The following PCDHA3 variants were observed in gnomAD, a reference collection of about 807,000 sequenced individuals.
PCDHA3 encodes the protein protocadherin alpha 3.
In PCDHA3, 41 loss-of-function variants were observed where a neutral mutation model predicts 62.2. The observed-to-expected ratio is 0.66, with a 90% CI of 0.51 to 0.86. PCDHA3 has a LOEUF of 0.86. PCDHA3 is among the 40% of genes least tolerant of loss of function. The pLI, the probability that PCDHA3 is intolerant of heterozygous loss-of-function variation, is 0.00. For synonymous variants in PCDHA3, 640 were observed against 555.4 expected (o/e 1.15, Z -2.14); for missense variants, 1,304 against 1,241.2 (o/e 1.05, Z -0.76).
chr5:140,902,563 G>C (rs1472097639), intron 1 of PCDHA3, among the ~76,000 whole-genome samples: 2 of 151,808 alleles, frequency 1.3e-5, no homozygotes, highest in African/African-American at 4.8e-5. Context: ...GATTTTTGAG[G>C]GTTTTTAAGA....
At chr5:140,999,240 G>A (rs193018375) in intron 3 of PCDHA3, among the ~76,000 whole-genome samples, 1 of 152,340 alleles carries the variant, frequency 6.6e-6, no homozygotes, top group Non-Finnish European at 1.5e-5. Context: ...GGTGGTTAAA[G>A]TGGGAGTTGG....
chr5:140,824,251 T>C (rs1283457501), intron 1 of PCDHA3: 2 of 1,394,460 alleles, frequency 1.4e-6, no homozygotes, highest in Non-Finnish European at 2.0e-6. Flanking sequence ...GGTACACAAT[T>C]ATTGCACTAA....
In PCDHA3 at chr5:140,844,942, G is replaced by GGACTCT. The variant is rs2150375378; in HGVS notation, c.2394+41354_2394+41359dup. On this transcript the variant is annotated intron_variant, in intron 1 of 3. Transcript: ENST00000522353. ...GATGGAAGGGAATGAACGATTTCTG[G>GGACTCT]GACTCTGAATTCTTACAGTTTGTTA... Among the ~76,000 whole-genome samples, 244 of 149,148 alleles carry GGACTCT rather than the reference G, an allele frequency of 1.6e-3. 12 individuals are homozygous for GGACTCT. The highest frequency in any genetic ancestry group is 2.1e-3 in the Non-Finnish European group (141 of 66,614).
Position 140,853,699 on chromosome 5 carries a change from C to T in PCDHA3, c.2394+50108C>T. 5.1e-6 allele frequency: 5 copies of T among 984,902 alleles called. 1 individual carries two copies. Among genetic ancestry groups the T allele is most frequent in the Non-Finnish European group, 6.1e-6 (5 of 817,068 alleles). The allele number at this position is 984,902 out of a possible 1,614,324, so 61.0% of individuals were successfully genotyped here. On this transcript the variant is annotated intron_variant, in intron 1 of 3. Transcript: ENST00000522353. Reference sequence around the variant, plus strand: ...GTCAACCTATCCTTAGACCTGCTAACGCATTAGCATTAGCAGCACCTAAGT... The same window carrying T: ...GTCAACCTATCCTTAGACCTGCTAATGCATTAGCATTAGCAGCACCTAAGT...
At chr5:140,941,240 T>TTTC (rs2092939181) in intron 1 of PCDHA3, among the ~76,000 whole-genome samples, 2 of 141,590 alleles carry the variant, frequency 1.4e-5, no homozygotes, top group Non-Finnish European at 3.0e-5. Flanking sequence ...TCTTTCTTTC[T>TTTC]TTCTTTCTTT....
At chr5:140,993,831 T>C (rs2097584101) in intron 3 of PCDHA3, among the ~76,000 whole-genome samples, 1 of 152,190 alleles carries the variant, frequency 6.6e-6, no homozygotes, top group South Asian at 2.1e-4. Flanking sequence ...CTATACCATA[T>C]AGCCTAGGTA....
chr5:141,005,814 A>G (rs947359019), intron 3 of PCDHA3, among the ~76,000 whole-genome samples: 1 of 149,766 alleles, frequency 6.7e-6, no homozygotes, highest in Non-Finnish European at 1.5e-5. Context: ...GGAGCCAGGT[A>G]TGGTGGCCTG....
At chr5:140,963,615 T>A (rs2095780964) in intron 1 of PCDHA3, among the ~76,000 whole-genome samples, 1 of 152,248 alleles carries the variant, frequency 6.6e-6, no homozygotes, top group African/African-American at 2.4e-5. Context: ...TGGGAAAGCT[T>A]AACTTTGTTG....
At position 140,904,654 on chromosome 5, in the gene PCDHA3, G is replaced by C. The variant is rs554492367; in HGVS notation, c.2395-74295G>C. On this transcript the variant is annotated intron_variant, in intron 1 of 3. Coordinates refer to ENST00000522353, the MANE Select transcript of PCDHA3 (RefSeq NM_018906.3). ...AGGAATCTCCACACTGTTTTCCATAGTGGTTGTACTAGTTTACATTCCCAC... is the reference window on the plus strand; with the variant it reads ...AGGAATCTCCACACTGTTTTCCATACTGGTTGTACTAGTTTACATTCCCAC... Among the ~76,000 whole-genome samples, 175 of 152,122 alleles carry C rather than the reference G, an allele frequency of 1.2e-3. 1 individual carries two copies. The highest frequency in any genetic ancestry group is 3.4e-3 in the Middle Eastern group (1 of 294).
intron 1 of PCDHA3, chr5:140,824,899 A>C (rs2150137635): frequency 1.3e-5 from 2 of 152,270 alleles, no homozygotes; most frequent in East Asian, 3.9e-4. Context: ...AACTTTGCCT[A>C]AGCAGTTCAC....
At chr5:140,875,438 T>C (rs1554167643) in intron 1 of PCDHA3, 1 of 1,568,134 alleles carries the variant, frequency 6.4e-7, no homozygotes, top group Non-Finnish European at 8.6e-7. Flanking sequence ...CCCTTAAAAC[T>C]GATTGTCCCA....
chr5:140,870,976 C>T (rs2052595345), intron 1 of PCDHA3: 1 of 1,613,480 alleles, frequency 6.2e-7, no homozygotes, highest in Non-Finnish European at 8.5e-7. Context: ...CCGCGTGGGG[C>T]TGTACACGGG....
chr5:140,985,650 A>G (rs2097162504), intron 3 of PCDHA3, among the ~76,000 whole-genome samples: 2 of 151,684 alleles, frequency 1.3e-5, no homozygotes, highest in South Asian at 4.2e-4. Context: ...AACACTTGCA[A>G]TGGCTGAATA....
At chr5:140,869,771 C>T (rs1554163429) in intron 1 of PCDHA3, 11 of 1,613,176 alleles carry the variant, frequency 6.8e-6, no homozygotes, top group Middle Eastern at 1.6e-4. Flanking sequence ...CCAGAGCTTA[C>T]TGGCACCGTT....
chr5:140,951,548 G>A (rs1314618918), intron 1 of PCDHA3, among the ~76,000 whole-genome samples: 1 of 151,910 alleles, frequency 6.6e-6, no homozygotes, highest in African/African-American at 2.4e-5. Flanking sequence ...AGGGACGGGG[G>A]GAAGTGCTAC....
At position 140,946,316 on chromosome 5, in the gene PCDHA3, G is replaced by C. The variant is rs1293160526; in HGVS notation, c.2395-32633G>C. ...CACACCTGGTAGAATGGCTATTATTGAAAGAGGAAAGATAACAAGTGATGG... is the reference window on the plus strand; with the variant it reads ...CACACCTGGTAGAATGGCTATTATTCAAAGAGGAAAGATAACAAGTGATGG... On this transcript the variant is annotated intron_variant, in intron 1 of 3. Transcript: ENST00000522353. Among the ~76,000 whole-genome samples, 3 of 151,662 alleles carry C rather than the reference G, an allele frequency of 2.0e-5. No individual in the cohort carries two copies. In the East Asian group the frequency reaches 5.8e-4, roughly 29 times the overall value.
At chr5:140,950,778 G>C (rs537312607) in intron 1 of PCDHA3, among the ~76,000 whole-genome samples, 3 of 152,030 alleles carry the variant, frequency 2.0e-5, no homozygotes, top group Admixed American at 1.3e-4. Flanking sequence ...CATACATATG[G>C]TACTTTTTAA....
At chr5:140,884,260 G>C (rs781862611) in intron 1 of PCDHA3, 1 of 1,613,410 alleles carries the variant, frequency 6.2e-7, no homozygotes, top group Admixed American at 1.7e-5. Flanking sequence ...CCACGGCAAC[G>C]GTGCTGTTGT....
chr5:140,832,024 T>A (rs1396101344), intron 1 of PCDHA3, among the ~76,000 whole-genome samples: 1 of 152,254 alleles, frequency 6.6e-6, no homozygotes, highest in African/African-American at 2.4e-5. Flanking sequence ...AAAGATTGAA[T>A]TTTTGTTATT....
Sources: gnomAD v4.1 joint callset for allele counts (sites outside exome capture counted in the v4.1 genomes callset) on GRCh38, gnomAD v4.1.1 for gene constraint, MANE v1.5 for transcripts, NCBI Gene and HGNC (gene_info 2026-07-23, HGNC 2026-07-21) for gene names.